The following WDR88 variants were observed in gnomAD, a reference collection of about 807,000 sequenced individuals.
WDR88 encodes WD repeat domain 88, also known as WD repeat-containing protein 88.
WDR88 carries 40 observed loss-of-function variants against 46.8 expected under a neutral mutation model. That is an observed-to-expected ratio of 0.86 (90% confidence interval 0.66 to 1.11). The LOEUF is 1.11. WDR88 is among the 50% of genes most tolerant of loss of function. The pLI is 0.00. For missense variants in WDR88, 562 were observed against 602.4 expected (o/e 0.93, Z 0.70); for synonymous variants, 235 against 240.7 (o/e 0.98, Z 0.22).
intron 8 of WDR88, among the ~76,000 whole-genome samples, chr19:33,162,963 T>C: frequency 6.6e-6 from 1 of 152,006 alleles, no homozygotes. Flanking sequence ...TTTGTGAGGC[T>C]GAGGCAGGTG....
intron 3 of WDR88, among the ~76,000 whole-genome samples, chr19:33,146,484 C>T (rs1489340381): frequency 9.6e-5 from 8 of 83,588 alleles, no homozygotes; most frequent in African/African-American, 3.9e-4. Flanking sequence ...TCCTTCCTTC[C>T]TTCCTTCCTT....
chr19:33,174,922 C>T (rs1034276261), intron 10 of WDR88: 23 of 985,302 alleles, frequency 2.3e-5, no homozygotes, highest in African/African-American at 8.7e-5. Context: ...CTGCAATTTC[C>T]GCCTTTGTGG....
rs1037521304 is a variant in WDR88, at chr19:33,174,310, C to G, written c.1243-1086C>G. 5.9e-6 allele frequency: 9 copies of G among 1,522,424 alleles called. No individual in the cohort carries two copies. The African/African-American group carries it at 6.9e-5, about 12-fold the overall frequency. The allele number at this position is 1,522,424 out of a possible 1,614,324, so 94.3% of individuals were successfully genotyped here. A position where few individuals can be genotyped will look rare whatever the true frequency, so the allele number is the denominator to read the frequency against. On this transcript the variant is annotated intron_variant, in intron 10 of 10. Coordinates refer to ENST00000355868, the MANE Select transcript of WDR88 (RefSeq NM_173479.4). ...GGCCTGCCCCAGGTAGGGTTTACCC[C>G]CCTCTCCAGCAGGCCTCAGTGTCCT...
intron 3 of WDR88, among the ~76,000 whole-genome samples, chr19:33,145,173 T>A (rs1160858527): frequency 6.6e-6 from 1 of 152,088 alleles, no homozygotes; most frequent in East Asian, 1.9e-4. Context: ...ATTTTTTATT[T>A]AGACAGGATT....
At chr19:33,150,767 G>A (rs200570853) in intron 5 of WDR88, among the ~76,000 whole-genome samples, 6 of 152,206 alleles carry the variant, frequency 3.9e-5, no homozygotes, top group Admixed American at 2.6e-4. Context: ...TCCATGATCC[G>A]GCCCAGGCCT....
chr19:33,144,411 G>C (rs556906328), intron 2 of WDR88, among the ~76,000 whole-genome samples: 1 of 152,248 alleles, frequency 6.6e-6, no homozygotes, highest in African/African-American at 2.4e-5. Context: ...TGTTGGCCAG[G>C]CTGGTCTTGA....
rs919885824 is a variant in WDR88, at chr19:33,174,959, G to T, written c.1243-437G>T. 6.1e-6 allele frequency: 6 copies of T among 985,194 alleles called. No individual in the cohort carries two copies. The Admixed American group carries it at 3.7e-4, about 61-fold the overall frequency. The allele number at this position is 985,194 out of a possible 1,614,324, so 61.0% of individuals were successfully genotyped here. ...GTTAGAGATTCCAGAGAGGGGCTGCGCCCAGTGGCTCACGCCTGTAATCCC... is the reference window on the plus strand; with the variant it reads ...GTTAGAGATTCCAGAGAGGGGCTGCTCCCAGTGGCTCACGCCTGTAATCCC... On this transcript the variant is annotated intron_variant, in intron 10 of 10. Coordinates refer to ENST00000355868, the MANE Select transcript of WDR88 (RefSeq NM_173479.4).
chr19:33,160,653 C>T (rs559163449), intron 8 of WDR88, among the ~76,000 whole-genome samples, 157 bp downstream of exon 8: 68 of 152,246 alleles, frequency 4.5e-4, no homozygotes, highest in Middle Eastern at 3.4e-3. Flanking sequence ...AACACACCAC[C>T]GACTGTGAGG....
chr19:33,143,084 C>G (rs1973434223), intron 2 of WDR88, among the ~76,000 whole-genome samples: 1 of 151,590 alleles, frequency 6.6e-6, no homozygotes, highest in Non-Finnish European at 1.5e-5. Context: ...AATCCCAGTG[C>G]TTTGGGAGGC....
chr19:33,174,471 A>C (rs1442710490), intron 10 of WDR88: 1 of 985,302 alleles, frequency 1.0e-6, no homozygotes, highest in African/African-American at 1.7e-5. Flanking sequence ...AGGAGACCTC[A>C]TCCCATGGCA....
intron 9 of WDR88, among the ~76,000 whole-genome samples, 174 bp downstream of exon 9, chr19:33,164,439 G>A (rs138239159): frequency 1.4e-3 from 208 of 152,354 alleles, no homozygotes; most frequent in African/African-American, 4.6e-3. Flanking sequence ...ATGCGCAAAC[G>A]CGATGAGTTT....
At chr19:33,135,277 C>T (rs909668303) in intron 1 of WDR88, among the ~76,000 whole-genome samples, 4 of 152,104 alleles carry the variant, frequency 2.6e-5, no homozygotes, top group African/African-American at 9.7e-5. Flanking sequence ...CCTTTTATAG[C>T]GATAGAATCA....
chr19:33,157,577 A>G (rs931656143), intron 7 of WDR88, among the ~76,000 whole-genome samples: 1 of 143,442 alleles, frequency 7.0e-6, no homozygotes, highest in Non-Finnish European at 1.5e-5. Context: ...ATATATGTGT[A>G]TATATATGTA....
chr19:33,158,760 C>T (rs968109778), intron 7 of WDR88, among the ~76,000 whole-genome samples: 3 of 152,156 alleles, frequency 2.0e-5, no homozygotes, highest in South Asian at 2.1e-4. Flanking sequence ...AGCGCAGTTG[C>T]GCGATCTTGG....
chr19:33,139,129 G>C, intron 2 of WDR88, among the ~76,000 whole-genome samples: 1 of 152,238 alleles, frequency 6.6e-6, no homozygotes, highest in South Asian at 2.1e-4. Flanking sequence ...GGACAGAAAG[G>C]TGTCCAGGCC....
intron 10 of WDR88, chr19:33,174,299 AG>A: frequency 2.6e-6 from 4 of 1,529,464 alleles, no homozygotes; most frequent in Non-Finnish European, 3.5e-6. Context: ...TGCCCCAGGT[AG>A]GGTTTACCCC....
At chr19:33,160,542 A>G in intron 8 of WDR88, 46 bp downstream of exon 8, 1 of 1,601,234 alleles carries the variant, frequency 6.2e-7, no homozygotes, top group Non-Finnish European at 8.6e-7. Context: ...TTCCCTCCCG[A>G]GTCCTTCCTG....
chr19:33,160,619 T>A, intron 8 of WDR88, 123 bp downstream of exon 8: 2 of 1,012,636 alleles, frequency 2.0e-6, no homozygotes, highest in African/African-American at 3.2e-5. Context: ...TGTGGGCTGA[T>A]GAAGGACAGA....
In WDR88 at chr19:33,159,101, C is replaced by T. The variant is rs567453113; in HGVS notation, c.998-1313C>T. Reference sequence around the variant, plus strand: ...TTTCAGTGCTGGGGGGGTGCTGAGGCGGGAGTATTGCTTGAACCCAGGAGT... The same window carrying T: ...TTTCAGTGCTGGGGGGGTGCTGAGGTGGGAGTATTGCTTGAACCCAGGAGT... On this transcript the variant is annotated intron_variant, in intron 7 of 10. Coordinates refer to ENST00000355868, the MANE Select transcript of WDR88 (RefSeq NM_173479.4). 1.3e-4 allele frequency among the ~76,000 whole-genome samples: 19 copies of T among 151,038 alleles called. No homozygotes were observed. In the East Asian group the frequency reaches 1.6e-3, roughly 12 times the overall value.
Sources: gnomAD v4.1 joint callset for allele counts (sites outside exome capture counted in the v4.1 genomes callset) on GRCh38, gnomAD v4.1.1 for gene constraint, MANE v1.5 for transcripts, NCBI Gene and HGNC (gene_info 2026-07-23, HGNC 2026-07-21) for gene names.